The following FBXO10 variants were observed in gnomAD, a reference collection of about 807,000 sequenced individuals.
FBXO10 encodes the protein F-box protein 10.
In FBXO10, 39 loss-of-function variants were observed where a neutral mutation model predicts 80.7. The ratio of observed to expected loss-of-function variants is 0.48; its 90% CI spans 0.37 to 0.63. The LOEUF is 0.63. Ranked by LOEUF, FBXO10 falls within the 30% of genes least tolerant of loss-of-function variation. The pLI is 0.00. For synonymous variants in FBXO10, 449 were observed against 489.6 expected, an observed-to-expected ratio of 0.92 and a Z score of 1.09; for missense variants, 1,025 against 1,269.0, an observed-to-expected ratio of 0.81 and a Z score of 2.92.
At chr9:37,554,488 T>C (rs1822286096) in intron 1 of FBXO10, among the ~76,000 whole-genome samples, 1 of 152,164 alleles carries the variant, frequency 6.6e-6, no homozygotes, top group African/African-American at 2.4e-5. Context: ...ACAGATGCAT[T>C]CATATGTGCA....
rs192407567 is a variant in FBXO10 at position 37,534,543 on chromosome 9, C to T, written c.1420-2485G>A. On this transcript the variant is annotated intron_variant, in intron 3 of 10. Coordinates refer to ENST00000432825, the MANE Select transcript of FBXO10 (RefSeq NM_012166.3). ...TGCAGGGCTGCATGTGTCATACAAG[C>T]CAGTAAGAACTCAGCTAACATTTTC... 6.1e-3 allele frequency among the ~76,000 whole-genome samples: 934 copies of T among 152,338 alleles called. 9 individuals are homozygous for T. Among genetic ancestry groups the T allele is most frequent in the African/African-American group, 0.022 (895 of 41,576 alleles).
In FBXO10 at chr9:37,537,688, G is replaced by A. The variant is rs1821806770; in HGVS notation, c.841C>T (p.Pro281Ser). ...KYLLGLIKSS[P>S]TFLPTEDSDF... is the part of the protein sequence containing the mutation. ...GAGTCCTCTGTGGGGAGAAAAGTGG[G>A]TGAGGACTTGATAAGCCCTAGTAGA... Residue 281 changes from proline to serine, a missense_variant, in exon 3 of 11, where the codon CCC (proline) becomes TCC (serine). Around this residue, in one of 3 missense-constraint regions of FBXO10, gnomAD observed 450 missense variants for 499.4 expected, o/e 0.90. Transcript: ENST00000432825. 7 of 1,614,024 alleles carry A rather than the reference G, an allele frequency of 4.3e-6. No individual in the cohort carries two copies. The highest frequency in any genetic ancestry group is 5.9e-6 in the Non-Finnish European group (7 of 1,179,898).
intron 1 of FBXO10, among the ~76,000 whole-genome samples, chr9:37,546,446 C>A (rs1311878137): frequency 1.3e-5 from 2 of 152,172 alleles, no homozygotes; most frequent in Non-Finnish European, 2.9e-5. Flanking sequence ...TAGTAGGGAT[C>A]ACCTGCTATG....
At chr9:37,523,110 C>G in intron 6 of FBXO10, 133 bp from the exon 7 acceptor site, 1 of 963,970 alleles carries the variant, frequency 1.0e-6, no homozygotes, top group Non-Finnish European at 1.5e-6. Context: ...GCAATTAGCA[C>G]TGTAAATCTT....
intron 9 of FBXO10, among the ~76,000 whole-genome samples, chr9:37,517,684 C>G (rs10733488): frequency 1 from 152,215 of 152,322 alleles, 76,054 homozygotes; most frequent in Non-Finnish European, 1. Flanking sequence ...CAGTGCAAGG[C>G]GGGCAGGAGG....
At position 37,541,449 on chromosome 9, in the gene FBXO10, C is replaced by T. The variant is rs377020655; in HGVS notation, c.320G>A (p.Arg107Gln). Residue 107 changes from arginine (R) to glutamine (Q), a missense_variant, in exon 2 of 11, where the codon CGA (arginine) becomes CAA (glutamine). Arg to Gln is a conservative substitution (Grantham distance 43). Transcript: ENST00000432825. ...CFSLFRRRRE[R>Q]RTLSVGPGRE... ...GCCTGGCCCAACACTCAGGGTACGT[C>T]GTTCCCTCCTCCGGCGGAATAGAGA... 1.1e-5 allele frequency: 18 copies of T among 1,613,922 alleles called. No homozygotes were observed. The highest frequency in any genetic ancestry group is 1.7e-5 in the Admixed American group (1 of 60,002).
chr9:37,553,330 C>A (rs1005598295), intron 1 of FBXO10, among the ~76,000 whole-genome samples: 1 of 152,044 alleles, frequency 6.6e-6, no homozygotes, highest in Admixed American at 6.6e-5. Context: ...TGAGCCACCG[C>A]GCCCGGCCAC....
intron 1 of FBXO10, among the ~76,000 whole-genome samples, chr9:37,553,342 T>C (rs1332181187): frequency 6.6e-6 from 1 of 151,828 alleles, no homozygotes; most frequent in Admixed American, 6.6e-5. Flanking sequence ...CCCGGCCACA[T>C]GTATGTTTTT....
In FBXO10 at chr9:37,537,101, T is replaced by C. The variant is rs1477183880; in HGVS notation, c.1419+9A>G. 1.3e-6 allele frequency: 2 copies of C among 1,590,230 alleles called. No individual in the cohort carries two copies. Among genetic ancestry groups the C allele is most frequent in the Non-Finnish European group, 1.7e-6 (2 of 1,163,674 alleles). Reference sequence around the variant, plus strand: ...GAGCCCCCTGACCAATCTAAAGTCATGACAGCACCTTGCTATTATGTATAC... The same window carrying C: ...GAGCCCCCTGACCAATCTAAAGTCACGACAGCACCTTGCTATTATGTATAC... On this transcript the variant is annotated intron_variant, in intron 3 of 10. Coordinates refer to ENST00000432825, the MANE Select transcript of FBXO10 (RefSeq NM_012166.3).
intron 9 of FBXO10, 26 bp downstream of exon 9, chr9:37,518,099 C>A (rs749206853): frequency 1.9e-6 from 3 of 1,588,342 alleles, no homozygotes; most frequent in Admixed American, 3.4e-5. Flanking sequence ...GGGCACCACA[C>A]GTCACACACA....
At chr9:37,568,510 A>G (rs560348524) in intron 1 of FBXO10, among the ~76,000 whole-genome samples, 1 of 152,082 alleles carries the variant, frequency 6.6e-6, no homozygotes, top group South Asian at 2.1e-4. Flanking sequence ...CACCCACCCA[A>G]TTTACTTTGT....
At chr9:37,566,531 GA>G (rs996356228) in intron 1 of FBXO10, among the ~76,000 whole-genome samples, 5 of 149,734 alleles carry the variant, frequency 3.3e-5, no homozygotes, top group African/African-American at 1.2e-4. Flanking sequence ...GACAGGAAAA[GA>G]AAAAATTTCT....
intron 1 of FBXO10, among the ~76,000 whole-genome samples, chr9:37,550,173 T>TTTG (rs1822158765): frequency 1.8e-5 from 1 of 56,546 alleles, no homozygotes; most frequent in Non-Finnish European, 3.4e-5. Context: ...TCTCAGGTTT[T>TTTG]TTTTTTTTTT....
At chr9:37,513,446 A>G (rs566544275) in intron 10 of FBXO10, among the ~76,000 whole-genome samples, 1 of 152,326 alleles carries the variant, frequency 6.6e-6, no homozygotes, top group African/African-American at 2.4e-5. Context: ...AAGACTACTC[A>G]GCAATTGAAA....
intron 1 of FBXO10, among the ~76,000 whole-genome samples, chr9:37,555,756 C>A (rs1384479830): frequency 1.3e-5 from 2 of 152,042 alleles, no homozygotes; most frequent in African/African-American, 4.8e-5. Flanking sequence ...TTGCCAGATA[C>A]ATGTTCTTTG....
At chr9:37,553,418 T>C (rs1484525751) in intron 1 of FBXO10, among the ~76,000 whole-genome samples, 4 of 152,166 alleles carry the variant, frequency 2.6e-5, no homozygotes, top group Admixed American at 1.3e-4. Context: ...ATCCCTACTT[T>C]TATTAAAGTT....
chr9:37,532,134 T>A (rs1226383202), intron 3 of FBXO10, 76 bp from the exon 4 acceptor site: 18 of 1,469,304 alleles, frequency 1.2e-5, no homozygotes, highest in Non-Finnish European at 1.5e-5. Flanking sequence ...AACACCTGAG[T>A]CTTTTCCGCA....
At chr9:37,554,606 A>T (rs1249359134) in intron 1 of FBXO10, among the ~76,000 whole-genome samples, 2 of 152,152 alleles carry the variant, frequency 1.3e-5, no homozygotes, top group African/African-American at 4.8e-5. Context: ...CTTTTCTCTT[A>T]TCTCCTCAAA....
chr9:37,544,694 T>C (rs1822007829), intron 1 of FBXO10, among the ~76,000 whole-genome samples: 1 of 151,960 alleles, frequency 6.6e-6, no homozygotes, highest in African/African-American at 2.4e-5. Context: ...CCAGCGAGAC[T>C]TTACTAAGAG....
Sources: allele counts gnomAD v4.1 joint callset (sites outside exome capture counted in the v4.1 genomes callset), GRCh38; gene constraint gnomAD v4.1.1; regional missense constraint gnomAD v4.1.1; transcripts MANE v1.5; gene names NCBI Gene and HGNC (gene_info 2026-07-23, HGNC 2026-07-21).